Variants in CELF2 observed in about 807,000 individuals in gnomAD.
CELF2 encodes the protein CUGBP Elav-like family member 2.
CELF2 carries 8 observed loss-of-function variants against 62.6 expected under a neutral mutation model. That is an observed-to-expected ratio of 0.13 (90% CI 0.07 to 0.23). The LOEUF (loss-of-function observed/expected upper bound fraction) is 0.23. Among genes scored for constraint, CELF2 ranks in the 10% least tolerant of loss-of-function variants. CELF2 has a pLI of 1.00. For missense variants in CELF2, 333 were observed against 671.0 expected (o/e 0.50, Z 5.56); for synonymous variants, 258 against 250.0 (o/e 1.03, Z -0.30).
At chr10:10,757,477 ATAGAC>A in the CELF2 span, among the ~76,000 whole-genome samples, 3 of 152,114 alleles carry the variant, frequency 2.0e-5, no homozygotes, top group Non-Finnish European at 4.4e-5. Flanking sequence ...ATAGAATAAA[ATAGAC>A]TAACTCTGTG....
rs916842828 is a variant in CELF2, at chr10:11,207,565, C to G, written c.272-9860C>G. On this transcript the variant is annotated intron_variant, in intron 2 of 12. Coordinates refer to ENST00000633077, the MANE Select transcript of CELF2 (RefSeq NM_001326342.2). The surrounding 1 kb of genome is among the most constrained non-coding windows in gnomAD (Gnocchi z 4.1). ...GTGAGGAAGGATGTTGGTGGAGCAT[C>G]GCACGACTGCCTCAGGCGGCCAGAG... is the stretch of plus-strand genomic sequence containing the variant. Among the ~76,000 whole-genome samples, 1 of 152,250 alleles carries G rather than the reference C, an allele frequency of 6.6e-6. No homozygotes were observed. The highest frequency in any genetic ancestry group is 2.4e-5 in the African/African-American group (1 of 41,462).
chr10:10,982,483 G>A (rs1477100524), intron 2 of CELF2, among the ~76,000 whole-genome samples: 1 of 152,128 alleles, frequency 6.6e-6, no homozygotes, highest in Non-Finnish European at 1.5e-5. Context: ...GAGATCTTGG[G>A]GGCATAGATG....
the CELF2 span, among the ~76,000 whole-genome samples, chr10:10,639,338 C>A: frequency 1.3e-5 from 2 of 152,124 alleles, no homozygotes; most frequent in Non-Finnish European, 2.9e-5. Context: ...TGCACTGGAG[C>A]CCTTGAGATT....
chr10:10,651,012 G>A, the CELF2 span, among the ~76,000 whole-genome samples: 60 of 145,994 alleles, frequency 4.1e-4, no homozygotes, highest in African/African-American at 9.8e-4. Flanking sequence ...CAGTGGGTGC[G>A]CGCACCGTGC....
chr10:11,300,374 C>T lies in CELF2; in HGVS notation c.976+11822C>T, dbSNP rs1300621021. ...TAGTGATGACTCTTGCCCAGCACTG[C>T]ACCAAGCCAGGTGGCATCAGCTTCC... On this transcript the variant is annotated intron_variant, in intron 9 of 12. Transcript: ENST00000633077. This position sits in a 1 kb window ranked among gnomAD's most constrained non-coding sequence, Gnocchi z 5.5. Among the ~76,000 whole-genome samples the T allele has an allele frequency of 6.6e-6, 1 of 152,178 alleles. No individual in the cohort carries two copies. The highest frequency in any genetic ancestry group is 1.5e-5 in the Non-Finnish European group (1 of 68,044).
chr10:10,707,879 C>T, the CELF2 span, among the ~76,000 whole-genome samples: 2 of 152,036 alleles, frequency 1.3e-5, no homozygotes, highest in South Asian at 2.1e-4. Flanking sequence ...GTAGAGAGGA[C>T]TTCAGGGACA....
upstream of CELF2, among the ~76,000 whole-genome samples, chr10:11,000,809 T>G (rs1293768733): frequency 6.6e-6 from 1 of 152,206 alleles, no homozygotes; most frequent in Non-Finnish European, 1.5e-5. Flanking sequence ...GGAAGTATTT[T>G]CCCCCACGAG....
chr10:11,152,411 A>G (rs1162501191), intron 1 of CELF2, among the ~76,000 whole-genome samples: 1 of 151,720 alleles, frequency 6.6e-6, no homozygotes, highest in Non-Finnish European at 1.5e-5. Flanking sequence ...ACAGTTGTTA[A>G]ATAAAAAAAA....
rs551113267 is a variant in CELF2 at position 11,021,334 on chromosome 10, G to A, written c.74+3171G>A. On this transcript the variant is annotated intron_variant, in intron 1 of 12. Coordinates refer to ENST00000633077, the MANE Select transcript of CELF2 (RefSeq NM_001326342.2). ...GAAAATGAGAAAAGTTATGTTGACT[G>A]TAAATTCATCAGCTTAATGAACTAG... is the stretch of plus-strand genomic sequence containing the variant. Among the ~76,000 whole-genome samples the A allele has an allele frequency of 8.5e-5, 13 of 152,268 alleles. No homozygotes were observed. In the South Asian group the frequency reaches 1.9e-3, roughly 22 times the overall value.
At chr10:10,885,194 G>T (rs969444559) in intron 1 of CELF2, among the ~76,000 whole-genome samples, 3 of 151,840 alleles carry the variant, frequency 2.0e-5, no homozygotes, top group African/African-American at 4.8e-5. Flanking sequence ...AGTGAGCCAA[G>T]ATTGTGCCAT....
the CELF2 span, among the ~76,000 whole-genome samples, chr10:10,664,845 T>C: frequency 6.6e-6 from 1 of 152,218 alleles, no homozygotes; most frequent in Non-Finnish European, 1.5e-5. Context: ...GTTTAAAAGA[T>C]TACTGAAATA....
the CELF2 span, among the ~76,000 whole-genome samples, chr10:10,468,213 A>C: frequency 6.6e-6 from 1 of 151,950 alleles, no homozygotes; most frequent in African/African-American, 2.4e-5. Flanking sequence ...CGTTCTCTAA[A>C]CACTCTTATA....
At chr10:11,070,540 T>A (rs1438581406) in intron 1 of CELF2, among the ~76,000 whole-genome samples, 1 of 152,152 alleles carries the variant, frequency 6.6e-6, no homozygotes, top group African/African-American at 2.4e-5. Flanking sequence ...AATTTCCGGC[T>A]GGAGGTGTGG....
intron 1 of CELF2, among the ~76,000 whole-genome samples, chr10:10,875,364 A>G (rs933439977): frequency 2.6e-5 from 4 of 152,208 alleles, no homozygotes; most frequent in Non-Finnish European, 4.4e-5. Flanking sequence ...GTACATTTTT[A>G]TGGATTTTTA....
At chr10:10,483,190 G>C in the CELF2 span, among the ~76,000 whole-genome samples, 1 of 126,656 alleles carries the variant, frequency 7.9e-6, no homozygotes, top group African/African-American at 3.0e-5. Flanking sequence ...TTGGTAAACA[G>C]TTCAGTCCAC....
intron 1 of CELF2, among the ~76,000 whole-genome samples, chr10:11,097,075 T>C (rs1397120906): frequency 6.6e-6 from 1 of 152,214 alleles, no homozygotes; most frequent in Non-Finnish European, 1.5e-5. Flanking sequence ...GTAGTGCTCT[T>C]CCTCACAAAA....
intron 1 of CELF2, among the ~76,000 whole-genome samples, chr10:11,042,615 A>G (rs777720249): frequency 6.6e-6 from 1 of 152,204 alleles, no homozygotes; most frequent in Admixed American, 6.5e-5. Context: ...AAGTTGTGCA[A>G]CCATCATCAC....
chr10:10,849,280 G>T (rs999383622), intron 1 of CELF2, among the ~76,000 whole-genome samples: 1 of 151,710 alleles, frequency 6.6e-6, no homozygotes, highest in African/African-American at 2.4e-5. Flanking sequence ...CATGGTAGCG[G>T]GCACCTGTAG....
chr10:10,968,156 G>A (rs1448896098), intron 2 of CELF2, among the ~76,000 whole-genome samples: 1 of 152,096 alleles, frequency 6.6e-6, no homozygotes, highest in Non-Finnish European at 1.5e-5. Context: ...CACCAGAGTT[G>A]ATAAGGGAGG....
Sources: gnomAD v4.1 joint callset for allele counts (sites outside exome capture counted in the v4.1 genomes callset) on GRCh38, gnomAD v4.1.1 for gene constraint, Gnocchi (gnomAD v3.1) non-coding constraint, MANE v1.5 for transcripts, NCBI Gene and HGNC (gene_info 2026-07-23, HGNC 2026-07-21) for gene names.